Variants in ARHGAP35 observed in about 807,000 individuals in gnomAD.
ARHGAP35 encodes the protein Rho GTPase activating protein 35.
In ARHGAP35, 15 loss-of-function variants were observed where a neutral mutation model predicts 111.1. The observed-to-expected ratio is 0.13, with a 90% CI of 0.09 to 0.21. The LOEUF is 0.21. Among genes scored for constraint, ARHGAP35 ranks in the 10% least tolerant of loss-of-function variants. The probability of loss-of-function intolerance (pLI) is 1.00; values close to 1 mark genes in which losing one functional copy is unlikely to be tolerated. For missense variants in ARHGAP35, 1,262 were observed against 1,873.0 expected (o/e 0.67, Z 6.02); for synonymous variants, 643 against 710.3 (o/e 0.91, Z 1.51).
chr19:46,907,701 T>C (rs538219655), intron 1 of ARHGAP35, among the ~76,000 whole-genome samples: 7 of 151,410 alleles, frequency 4.6e-5, no homozygotes, highest in South Asian at 2.1e-4. Flanking sequence ...ATGGTCTCCA[T>C]CTCCTGACCT....
At position 46,993,047 on chromosome 19, in the gene ARHGAP35, C is replaced by T. The variant is rs1452204063; in HGVS notation, c.4036+3372C>T. Among the ~76,000 whole-genome samples the T allele has an allele frequency of 1.3e-5, 2 of 152,196 alleles. No individual in the cohort carries two copies. The highest frequency in any genetic ancestry group is 2.4e-5 in the African/African-American group (1 of 41,440). On this transcript the variant is annotated intron_variant, in intron 5 of 6. Transcript: ENST00000672722. This position sits in a 1 kb window ranked among gnomAD's most constrained non-coding sequence, Gnocchi z 4.6. ...ATTAATTTCACAGCTAGCCAGGCCCCGTGTGGACAGGGACAGATGGCAGTG... is the reference window on the plus strand; with the variant it reads ...ATTAATTTCACAGCTAGCCAGGCCCTGTGTGGACAGGGACAGATGGCAGTG...
chr19:46,952,700 G>A lies in ARHGAP35; in HGVS notation c.3826+15292G>A, dbSNP rs141632806. 2.6e-4 allele frequency among the ~76,000 whole-genome samples: 39 copies of A among 152,300 alleles called. No individual in the cohort carries two copies. In the East Asian group the frequency reaches 3.9e-3, roughly 15 times the overall value. On this transcript the variant is annotated intron_variant, in intron 3 of 6. Transcript: ENST00000672722. ...TGTGTTTTGTTTTGTTTGAGACAGG[G>A]TCTCCCTCTGTTGCCCAGGTTGGAG...
chr19:46,886,207 C>A (rs1013982554), intron 1 of ARHGAP35, among the ~76,000 whole-genome samples: 5 of 152,174 alleles, frequency 3.3e-5, no homozygotes, highest in African/African-American at 1.2e-4. Flanking sequence ...ATCAGGTCTT[C>A]TTTTACATCA....
chr19:46,958,212 T>A (rs989896191), intron 3 of ARHGAP35, among the ~76,000 whole-genome samples: 4 of 151,856 alleles, frequency 2.6e-5, no homozygotes, highest in African/African-American at 9.7e-5. Flanking sequence ...TGAAACCCCG[T>A]CTCTACTAAA....
chr19:46,935,769 T>C (rs2056304090), intron 2 of ARHGAP35, among the ~76,000 whole-genome samples: 1 of 152,246 alleles, frequency 6.6e-6, no homozygotes. Flanking sequence ...TTAGTAGATA[T>C]TTTAACAAAA....
At position 46,921,589 on chromosome 19, in the gene ARHGAP35, C is replaced by A. The variant is rs768208332; in HGVS notation, c.2914C>A (p.Arg972=). ...STTEEVFNSP[R]AGSPLCNSNL... is the part of the protein sequence containing the mutation. ...CACCGAAGAGGTGTTTAACTCCCCCCGGGCAGGATCACCGCTCTGCAACTC... is the reference window on the plus strand; with the variant it reads ...CACCGAAGAGGTGTTTAACTCCCCCAGGGCAGGATCACCGCTCTGCAACTC... The change falls in exon 2 of 7, where the codon CGG becomes AGG. Residue 972 remains arginine, a synonymous_variant. Transcript: ENST00000672722. The surrounding 1 kb of genome is among the most constrained non-coding windows in gnomAD (Gnocchi z 4.3). 2 of 1,613,852 alleles carry A rather than the reference C, an allele frequency of 1.2e-6. No homozygotes were observed. Among genetic ancestry groups the A allele is most frequent in the African/African-American group, 1.3e-5 (1 of 74,914 alleles).
chr19:46,964,196 C>G (rs1056498455), intron 3 of ARHGAP35, among the ~76,000 whole-genome samples: 1 of 151,930 alleles, frequency 6.6e-6, no homozygotes, highest in African/African-American at 2.4e-5. Context: ...TATGCCCAGA[C>G]AAGATTATTA....
intron 1 of ARHGAP35, among the ~76,000 whole-genome samples, chr19:46,867,324 T>C (rs981045302): frequency 6.6e-6 from 1 of 152,214 alleles, no homozygotes; most frequent in Non-Finnish European, 1.5e-5. Context: ...TCCTGCCTCT[T>C]TTGCTCTCCT....
At position 46,989,926 on chromosome 19, in the gene ARHGAP35, C is replaced by T. The variant is rs768456305; in HGVS notation, c.4036+251C>T. On this transcript the variant is annotated intron_variant, in intron 5 of 6. Transcript: ENST00000672722. This position sits in a 1 kb window ranked among gnomAD's most constrained non-coding sequence, Gnocchi z 5.3. ...CCCCCAAACTCTCATTAGTTAAGAG[C>T]ATGGTTTCGGTGTCAGACTTGGCTC... Among the ~76,000 whole-genome samples, 2 of 152,196 alleles carry T rather than the reference C, an allele frequency of 1.3e-5. No individual in the cohort carries two copies. Among genetic ancestry groups the T allele is most frequent in the Non-Finnish European group, 2.9e-5 (2 of 68,044 alleles).
Position 46,989,614 on chromosome 19 carries a change from C to A in ARHGAP35, c.3975C>A (p.Phe1325Leu). 6.2e-7 allele frequency: 1 copy of A among 1,614,030 alleles called. No homozygotes were observed. Among genetic ancestry groups the A allele is most frequent in the East Asian group, 2.2e-5 (1 of 44,884 alleles). ...NTVAGAMKSF[F>L]SELPDPLVPY... ...TGGCTGGTGCCATGAAGAGCTTTTTCTCAGAACTGCCTGACCCCCTGGTCC... is the reference window on the plus strand; with the variant it reads ...TGGCTGGTGCCATGAAGAGCTTTTTATCAGAACTGCCTGACCCCCTGGTCC... The change falls in exon 5 of 7, where the codon TTC becomes TTA. Residue 1325 changes from phenylalanine to leucine, a missense_variant. Transcript: ENST00000672722. This position sits in a 1 kb window ranked among gnomAD's most constrained non-coding sequence, Gnocchi z 5.3.
intron 1 of ARHGAP35, among the ~76,000 whole-genome samples, chr19:46,910,552 AAAGTGCTG>A (rs1435193543): frequency 1.3e-5 from 2 of 150,550 alleles, no homozygotes; most frequent in African/African-American, 4.9e-5. Flanking sequence ...TTGGCCTCCC[AAAGTGCTG>A]GGATTACAGG....
rs2056123491 is a variant in ARHGAP35 at position 46,908,732 on chromosome 19, AT to A, written c.-188-9754del. Among the ~76,000 whole-genome samples, 1 of 152,182 alleles carries A rather than the reference AT, an allele frequency of 6.6e-6. No individual in the cohort carries two copies. The highest frequency in any genetic ancestry group is 1.5e-5 in the Non-Finnish European group (1 of 68,032). On this transcript the variant is annotated intron_variant, in intron 1 of 6. Coordinates refer to ENST00000672722, the MANE Select transcript of ARHGAP35 (RefSeq NM_004491.5). This position sits in a 1 kb window ranked among gnomAD's most constrained non-coding sequence, Gnocchi z 4.2. ...ATCCTGTGGATAACATAGCTTAGAA[AT>A]TCTGTTTCTTTGGGACCAGCCTGTA...
intron 1 of ARHGAP35, among the ~76,000 whole-genome samples, chr19:46,877,188 G>A (rs543568669): frequency 2.1e-5 from 3 of 144,468 alleles, no homozygotes; most frequent in African/African-American, 7.7e-5. Flanking sequence ...AGAGGCGGAT[G>A]TTGCAGTGAG....
intron 2 of ARHGAP35, among the ~76,000 whole-genome samples, chr19:46,928,429 A>T (rs191802869): frequency 1.3e-5 from 2 of 152,292 alleles, no homozygotes; most frequent in African/African-American, 4.8e-5. Flanking sequence ...TTTCTACAGC[A>T]TTTGAGAGAA....
At chr19:46,884,078 G>C (rs960749342) in intron 1 of ARHGAP35, among the ~76,000 whole-genome samples, 1 of 152,034 alleles carries the variant, frequency 6.6e-6, no homozygotes, top group Non-Finnish European at 1.5e-5. Context: ...ATGCCTATAC[G>C]AGTTTACTAG....
At chr19:46,869,475 ATT>A (rs2055876009) in intron 1 of ARHGAP35, among the ~76,000 whole-genome samples, 2 of 118,186 alleles carry the variant, frequency 1.7e-5, no homozygotes, top group East Asian at 2.5e-4. Context: ...AAGAAAAAAA[ATT>A]GTGTGTGTGT....
chr19:47,001,173 C>T lies in ARHGAP35; in HGVS notation c.*485C>T. Reference sequence around the variant, plus strand: ...ACACACCCCCAAGGTAAGGGTACAGCCCGGCTGGCGGCCTCCTTGGGAACG... The same window carrying T: ...ACACACCCCCAAGGTAAGGGTACAGTCCGGCTGGCGGCCTCCTTGGGAACG... On this transcript the variant is annotated 3_prime_UTR_variant, in exon 7 of 7. Coordinates refer to ENST00000672722, the MANE Select transcript of ARHGAP35 (RefSeq NM_004491.5). The surrounding 1 kb of genome is among the most constrained non-coding windows in gnomAD (Gnocchi z 5.4). The T allele has an allele frequency of 1.6e-6, 2 of 1,239,024 alleles. 1 individual carries two copies. The allele number at this position is 1,239,024 out of a possible 1,614,324, so 76.8% of individuals were successfully genotyped here.
chr19:46,878,351 C>T lies in ARHGAP35; in HGVS notation c.-189+17142C>T, dbSNP rs1038778600. ...TTTTTATTTTTTTGAGAGAGACTCTCACTCTGTCACCCAGGCTGGGGTGCG... is the reference window on the plus strand; with the variant it reads ...TTTTTATTTTTTTGAGAGAGACTCTTACTCTGTCACCCAGGCTGGGGTGCG... On this transcript the variant is annotated intron_variant, in intron 1 of 6. Transcript: ENST00000672722. Among the ~76,000 whole-genome samples the T allele has an allele frequency of 9.2e-5, 14 of 152,022 alleles. No individual in the cohort carries two copies. The East Asian group carries it at 2.1e-3, about 23-fold the overall frequency.
At chr19:46,892,938 G>A (rs2056033496) in intron 1 of ARHGAP35, among the ~76,000 whole-genome samples, 5 of 152,090 alleles carry the variant, frequency 3.3e-5, no homozygotes, top group African/African-American at 9.7e-5. Flanking sequence ...ATGCATCAGA[G>A]CTTCCTGGTG....
Sources: gnomAD v4.1 joint callset for allele counts (sites outside exome capture counted in the v4.1 genomes callset) on GRCh38, gnomAD v4.1.1 for gene constraint, Gnocchi (gnomAD v3.1) non-coding constraint, MANE v1.5 for transcripts, NCBI Gene and HGNC (gene_info 2026-07-23, HGNC 2026-07-21) for gene names.